Variants in UTP14C observed in about 807,000 individuals in gnomAD.
UTP14C encodes the protein UTP14C small subunit processome component.
In UTP14C, 10 loss-of-function variants were observed where a neutral mutation model predicts 14.6. The observed-to-expected ratio is 0.68, with a 90% CI of 0.42 to 1.16. The LOEUF (loss-of-function observed/expected upper bound fraction) is 1.16, where lower values mean the gene tolerates loss of function less well. Among genes scored for constraint, UTP14C ranks in the 50% most tolerant of loss-of-function variants. The pLI is 0.00. For missense variants in UTP14C, 818 were observed against 890.8 expected (o/e 0.92, Z 1.04); for synonymous variants, 315 against 331.6 (o/e 0.95, Z 0.54).
rs753947756 is a variant in UTP14C, at chr13:52,030,878, C to T, written c.2074C>T (p.Arg692Trp). 9.3e-6 allele frequency: 15 copies of T among 1,614,050 alleles called. No homozygotes were observed. The highest frequency in any genetic ancestry group is 1.6e-4 in the Middle Eastern group (1 of 6,084). ...QVLPYPFTHH[R>W]QFERTIQTPI... ...GCTTCCATATCCATTTACCCACCATCGGCAATTTGAAAGGACCATCCAGAC... is the reference window on the plus strand; with the variant it reads ...GCTTCCATATCCATTTACCCACCATTGGCAATTTGAAAGGACCATCCAGAC... Residue 692 changes from arginine (R) to tryptophan (W), a missense_variant, in exon 2 of 2, where the codon CGG becomes TGG. By Grantham distance (101) the Arg-to-Trp change is moderately radical (BLOSUM62 -3). Coordinates refer to ENST00000521776, the MANE Select transcript of UTP14C (RefSeq NM_021645.6).
rs199774268 is a variant in UTP14C at position 52,029,776 on chromosome 13, A to G, written c.972A>G (p.Glu324=). 1.9e-6 allele frequency: 3 copies of G among 1,614,242 alleles called. No homozygotes were observed. The highest frequency in any genetic ancestry group is 2.5e-6 in the Non-Finnish European group (3 of 1,180,038). Reference sequence around the variant, plus strand: ...TGGAGGCTCGCCAAGCTATGCAGGAACAGTTGGCCAAGAACAAAGAACTGA... The same window carrying G: ...TGGAGGCTCGCCAAGCTATGCAGGAGCAGTTGGCCAAGAACAAAGAACTGA... ...YDLEARQAMQ[E]QLAKNKELTQ... Residue 324 remains glutamate (E), a synonymous_variant, in exon 2 of 2, where the codon GAA becomes GAG. Transcript: ENST00000521776.
In UTP14C at chr13:52,028,669, T is replaced by C. The variant is rs1256272772; in HGVS notation, c.-136T>C. The C allele has an allele frequency of 1.6e-5, 25 of 1,557,274 alleles. No homozygotes were observed. Among genetic ancestry groups the C allele is most frequent in the Non-Finnish European group, 2.2e-5 (25 of 1,140,026 alleles). On this transcript the variant is annotated 5_prime_UTR_variant, in exon 2 of 2. Coordinates refer to ENST00000521776, the MANE Select transcript of UTP14C (RefSeq NM_021645.6). Reference sequence around the variant, plus strand: ...TATGTAAATATTTTTCTAAATTCAATCTCATTTGTCAAATCATTTTACTTT... The same window carrying C: ...TATGTAAATATTTTTCTAAATTCAACCTCATTTGTCAAATCATTTTACTTT...
At position 52,029,921 on chromosome 13, in the gene UTP14C, T is replaced by C; in HGVS notation, c.1117T>C (p.Trp373Arg). The C allele has an allele frequency of 6.2e-7, 1 of 1,614,156 alleles. No homozygotes were observed. Among genetic ancestry groups the C allele is most frequent in the Non-Finnish European group, 8.5e-7 (1 of 1,180,024 alleles). Reference sequence around the variant, plus strand: ...GATGAATGTGGACGGACCGAATCCCTGGATGTTCAGGAGCTGCACCAGTGA... The same window carrying C: ...GATGAATGTGGACGGACCGAATCCCCGGATGTTCAGGAGCTGCACCAGTGA... ...VQMNVDGPNP[W>R]MFRSCTSDTK... is the part of the protein sequence containing the mutation. The change falls in exon 2 of 2, where the codon TGG (tryptophan) becomes CGG (arginine). Residue 373 changes from tryptophan (W) to arginine (R), a missense_variant. Transcript: ENST00000521776.
rs1954261307 is a variant in UTP14C at position 52,028,310 on chromosome 13, T to C, written c.-486-9T>C. The C allele has an allele frequency of 6.2e-7, 1 of 1,614,092 alleles. No individual in the cohort carries two copies. The highest frequency in any genetic ancestry group is 8.5e-7 in the Non-Finnish European group (1 of 1,180,046). ...TAAAAGATTACATGATTTGTGTTTT[T>C]TTTCTCAGGAGTTGTGGAGTGTATG... On this transcript the variant is annotated splice_polypyrimidine_tract_variant and intron_variant, in intron 1 of 1. Transcript: ENST00000521776.
intron 1 of UTP14C, among the ~76,000 whole-genome samples, chr13:52,026,866 A>AT (rs1329101137): frequency 2.6e-5 from 4 of 152,178 alleles, no homozygotes; most frequent in Admixed American, 6.5e-5. Context: ...GCAGGTAGTT[A>AT]TCAAAGCTCC....
rs1248265912 is a variant in UTP14C at position 52,028,355 on chromosome 13, T to C, written c.-450T>C. 6.2e-7 allele frequency: 1 copy of C among 1,614,212 alleles called. No individual in the cohort carries two copies. Among genetic ancestry groups the C allele is most frequent in the African/African-American group, 1.3e-5 (1 of 75,064 alleles). On this transcript the variant is annotated 5_prime_UTR_variant, in exon 2 of 2. Transcript: ENST00000521776. Reference sequence around the variant, plus strand: ...TGTATGGCAGCTGGCACAATTATCCTTGCACACAATTCGGGGGGCCCAAAG... The same window carrying C: ...TGTATGGCAGCTGGCACAATTATCCCTGCACACAATTCGGGGGGCCCAAAG...
rs1954280928 is a variant in UTP14C at position 52,029,833 on chromosome 13, G to A, written c.1029G>A (p.Glu343=). ...AACTCCAGGTAGCCTCTGAGAGTGA[G>A]GAAGAGGAGGGAGGCACAGAAGTGG... ...TQKLQVASES[E]EEEGGTEVEE... The change falls in exon 2 of 2, where the codon GAG becomes GAA. Residue 343 remains glutamate, a synonymous_variant. Coordinates refer to ENST00000521776, the MANE Select transcript of UTP14C (RefSeq NM_021645.6). 1.9e-6 allele frequency: 3 copies of A among 1,614,212 alleles called. No individual in the cohort carries two copies. The East Asian group carries it at 6.7e-5, about 36-fold the overall frequency.
Position 52,028,340 on chromosome 13 carries a change from C to G in UTP14C, c.-465C>G. On this transcript the variant is annotated 5_prime_UTR_variant, in exon 2 of 2. Coordinates refer to ENST00000521776, the MANE Select transcript of UTP14C (RefSeq NM_021645.6). The stretch of plus-strand genomic sequence containing the variant: ...TCAGGAGTTGTGGAGTGTATGGCAG[C>G]TGGCACAATTATCCTTGCACACAAT... The G allele has an allele frequency of 6.2e-7, 1 of 1,614,134 alleles. No homozygotes were observed. Among genetic ancestry groups the G allele is most frequent in the Non-Finnish European group, 8.5e-7 (1 of 1,180,028 alleles).
chr13:52,028,221 T>G (rs1260948841), intron 1 of UTP14C, 98 bp from the exon 2 acceptor site: 1 of 1,406,826 alleles, frequency 7.1e-7, no homozygotes, highest in Non-Finnish European at 1.0e-6. Context: ...AAGTTTCTCA[T>G]AAGTCCCTTA....
At position 52,029,182 on chromosome 13, in the gene UTP14C, G is replaced by C. The variant is rs201380604; in HGVS notation, c.378G>C (p.Gln126His). 3.1e-6 allele frequency: 5 copies of C among 1,614,056 alleles called. No individual in the cohort carries two copies. The highest frequency in any genetic ancestry group is 4.2e-6 in the Non-Finnish European group (5 of 1,180,048). The change falls in exon 2 of 2, where the codon CAG becomes CAC. Residue 126 changes from glutamine (Q) to histidine (H), a missense_variant. Transcript: ENST00000521776. ...ELPLNKEKIE[Q>H]IHREVAFSKT... ...CTCTTAACAAAGAAAAAATTGAACAGATCCACAGAGAAGTAGCATTCAGTA... is the reference window on the plus strand; with the variant it reads ...CTCTTAACAAAGAAAAAATTGAACACATCCACAGAGAAGTAGCATTCAGTA...
At position 52,024,855 on chromosome 13, in the gene UTP14C, C is replaced by T. The variant is rs753396003; in HGVS notation, c.-569C>T. On this transcript the variant is annotated 5_prime_UTR_variant, in exon 1 of 2. Coordinates refer to ENST00000521776, the MANE Select transcript of UTP14C (RefSeq NM_021645.6). The stretch of plus-strand genomic sequence containing the variant: ...AAGAATATGTGGAATTTAAAATAAA[C>T]ATTCCATTTGATGAATTAAAGAATT... 2 of 1,613,930 alleles carry T rather than the reference C, an allele frequency of 1.2e-6. No homozygotes were observed. Among genetic ancestry groups the T allele is most frequent in the Non-Finnish European group, 8.5e-7 (1 of 1,179,898 alleles).
chr13:52,030,092 A>G lies in UTP14C; in HGVS notation c.1288A>G (p.Lys430Glu). The G allele has an allele frequency of 6.2e-7, 1 of 1,614,220 alleles. No individual in the cohort carries two copies. The highest frequency in any genetic ancestry group is 8.5e-7 in the Non-Finnish European group (1 of 1,180,038). ...REFEERQSLR[K>E]RSELNQDAEP... ...ATTTGAGGAAAGGCAATCCCTTAGA[A>G]AAAGATCTGAGCTCAACCAGGATGC... The change falls in exon 2 of 2, where the codon AAA becomes GAA. Residue 430 changes from lysine to glutamate, a missense_variant. Lys to Glu is a moderately conservative substitution (Grantham distance 56, BLOSUM62 1). Transcript: ENST00000521776.
At position 52,031,931 on chromosome 13, in the gene UTP14C, G is replaced by T. The variant is rs1430486966; in HGVS notation, c.*826G>T. On this transcript the variant is annotated 3_prime_UTR_variant, in exon 2 of 2. Transcript: ENST00000521776. ...TAGATGAAACTACTTTGAAAATTACGACAGTTAAGGGCTGGGTGCGGTGTC... is the reference window on the plus strand; with the variant it reads ...TAGATGAAACTACTTTGAAAATTACTACAGTTAAGGGCTGGGTGCGGTGTC... 1 of 166,868 alleles carries T rather than the reference G, an allele frequency of 6.0e-6. No individual in the cohort carries two copies. Among genetic ancestry groups the T allele is most frequent in the Admixed American group, 6.6e-5 (1 of 15,256 alleles). 10.3% of individuals were successfully genotyped at this position (166,868 alleles called of 1,614,324 possible).
intron 1 of UTP14C, among the ~76,000 whole-genome samples, 195 bp downstream of exon 1, chr13:52,025,132 C>G (rs1954228526): frequency 6.6e-6 from 1 of 152,292 alleles, no homozygotes; most frequent in African/African-American, 2.4e-5. Flanking sequence ...TGACCAATTC[C>G]TGTGTGTGGG....
In UTP14C at chr13:52,030,623, T is replaced by G; in HGVS notation, c.1819T>G (p.Phe607Val). 3 of 1,614,188 alleles carry G rather than the reference T, an allele frequency of 1.9e-6. No homozygotes were observed. The highest frequency in any genetic ancestry group is 2.5e-6 in the Non-Finnish European group (3 of 1,180,036). Residue 607 changes from phenylalanine (F) to valine (V), a missense_variant, in exon 2 of 2, where the codon TTC becomes GTC. Phe to Val is a conservative substitution (Grantham distance 50, BLOSUM62 -1). Coordinates refer to ENST00000521776, the MANE Select transcript of UTP14C (RefSeq NM_021645.6). ...AFAGDDVIRD[F>V]LKEKREAVEA... ...TGCTGGGGATGATGTCATCAGAGAT[T>G]TCTTGAAAGAGAAGAGGGAAGCTGT...
rs1267852403 is a variant in UTP14C, at chr13:52,024,852, A to G, written c.-572A>G. The G allele has an allele frequency of 1.2e-6, 2 of 1,614,050 alleles. No homozygotes were observed. The highest frequency in any genetic ancestry group is 1.7e-6 in the Non-Finnish European group (2 of 1,179,912). On this transcript the variant is annotated 5_prime_UTR_variant, in exon 1 of 2. It adds an upstream start codon to the 5' untranslated region. Coordinates refer to ENST00000521776, the MANE Select transcript of UTP14C (RefSeq NM_021645.6). ...TTCAAGAATATGTGGAATTTAAAAT[A>G]AACATTCCATTTGATGAATTAAAGA...
chr13:52,032,285 G>A lies in UTP14C; in HGVS notation c.*1180G>A, dbSNP rs1380813778. On this transcript the variant is annotated 3_prime_UTR_variant, in exon 2 of 2. Transcript: ENST00000521776. ...TTAAAGGTAACATCACATACTAAAT[G>A]TCTTCTATAATCCTATATTTATTAA... The A allele has an allele frequency of 1.2e-5, 2 of 166,722 alleles. No individual in the cohort carries two copies. Among genetic ancestry groups the A allele is most frequent in the African/African-American group, 4.8e-5 (2 of 41,442 alleles). The allele number at this position is 166,722 out of a possible 1,614,324, so 10.3% of individuals were successfully genotyped here.
rs368084062 is a variant in UTP14C, at chr13:52,029,883, C to T, written c.1079C>T (p.Ala360Val). Reference sequence around the variant, plus strand: ...GAAGAACTCCTTGTCCCTCATGTAGCGAATGAAGTGCAGATGAATGTGGAC... The same window carrying T: ...GAAGAACTCCTTGTCCCTCATGTAGTGAATGAAGTGCAGATGAATGTGGAC... Reference protein sequence around the residue: ...EVEELLVPHVANEVQMNVDGP... With the variant: ...EVEELLVPHVVNEVQMNVDGP... The change falls in exon 2 of 2, where the codon GCG becomes GTG. Residue 360 changes from alanine to valine, a missense_variant. By Grantham distance (64) the Ala-to-Val change is moderately conservative (BLOSUM62 0). Transcript: ENST00000521776. 4.3e-6 allele frequency: 7 copies of T among 1,614,010 alleles called. No homozygotes were observed. Among genetic ancestry groups the T allele is most frequent in the African/African-American group, 2.7e-5 (2 of 74,904 alleles).
At position 52,028,692 on chromosome 13, in the gene UTP14C, T is replaced by G; in HGVS notation, c.-113T>G. On this transcript the variant is annotated 5_prime_UTR_variant, in exon 2 of 2. Coordinates refer to ENST00000521776, the MANE Select transcript of UTP14C (RefSeq NM_021645.6). ...AATCTCATTTGTCAAATCATTTTACTTTAGAAAACAGACAAAATTTCCTTT... is the reference window on the plus strand; with the variant it reads ...AATCTCATTTGTCAAATCATTTTACGTTAGAAAACAGACAAAATTTCCTTT... 6.4e-7 allele frequency: 1 copy of G among 1,568,486 alleles called. No homozygotes were observed. Among genetic ancestry groups the G allele is most frequent in the Non-Finnish European group, 8.7e-7 (1 of 1,149,286 alleles).
Sources: gnomAD v4.1 joint callset for allele counts (sites outside exome capture counted in the v4.1 genomes callset) on GRCh38, gnomAD v4.1.1 for gene constraint, MANE v1.5 for transcripts, NCBI Gene and HGNC (gene_info 2026-07-23, HGNC 2026-07-21) for gene names.